WFDC1: variants seen among roughly 807,000 people sequenced by gnomAD.
WFDC1 encodes the protein WAP four-disulfide core domain protein 1.
WFDC1 carries 39 observed loss-of-function variants against 32.9 expected under a neutral mutation model. That is an observed-to-expected ratio of 1.19 (90% confidence interval 0.92 to 1.55). The LOEUF (loss-of-function observed/expected upper bound fraction) is 1.55, where lower values mean the gene tolerates loss of function less well. Ranked by LOEUF, WFDC1 falls within the 40% of genes most tolerant of loss-of-function variation. The pLI is 0.00. For missense variants in WFDC1, 386 were observed against 309.5 expected (o/e 1.25, Z -1.85); for synonymous variants, 184 against 137.4 (o/e 1.34, Z -2.37).
Position 84,294,961 on chromosome 16 carries a change from C to A in WFDC1, c.-11C>A. On this transcript the variant is annotated 5_prime_UTR_variant, in exon 1 of 7. Coordinates refer to ENST00000219454, the MANE Select transcript of WFDC1 (RefSeq NM_021197.4). ...CTGTGTGCGTCTGGAAGGTCGCTGCCCAGGGAGGAAATGCCTTTAACCGGC... is the reference window on the plus strand; with the variant it reads ...CTGTGTGCGTCTGGAAGGTCGCTGCACAGGGAGGAAATGCCTTTAACCGGC... 6.2e-7 allele frequency: 1 copy of A among 1,609,566 alleles called. No homozygotes were observed. Among genetic ancestry groups the A allele is most frequent in the East Asian group, 2.2e-5 (1 of 44,848 alleles).
At chr16:84,324,358 G>C in intron 4 of WFDC1, 61 bp from the exon 5 acceptor site, 2 of 1,477,332 alleles carry the variant, frequency 1.4e-6, no homozygotes, top group Non-Finnish European at 1.9e-6. Context: ...GTGTTATTAT[G>C]ACAACAGTTT....
chr16:84,322,392 C>G (rs1009586838), intron 4 of WFDC1, among the ~76,000 whole-genome samples: 2 of 152,126 alleles, frequency 1.3e-5, no homozygotes, highest in Admixed American at 6.6e-5. Context: ...GCCCCCTTGT[C>G]CCAGCCTTAC....
chr16:84,308,836 A>T (rs1379732955), intron 1 of WFDC1, among the ~76,000 whole-genome samples: 1 of 113,812 alleles, frequency 8.8e-6, no homozygotes, highest in Non-Finnish European at 2.0e-5. Context: ...TGTAGATGCC[A>T]GCCTGGGTGT....
In WFDC1 at chr16:84,319,316, C is replaced by G. The variant is rs536093409; in HGVS notation, c.422-115C>G. 4,358 of 1,457,914 alleles carry G rather than the reference C, an allele frequency of 3.0e-3. 10 individuals are homozygous for G. The highest frequency in any genetic ancestry group is 4.9e-3 in the Middle Eastern group (27 of 5,560). The allele number at this position is 1,457,914 out of a possible 1,614,324, so 90.3% of individuals were successfully genotyped here. A position where few individuals can be genotyped will look rare whatever the true frequency, so the allele number is the denominator to read the frequency against. ...CTGGGGTACAGAGGCGAGGCCGCCTCTCTGGGTGAGGTGCGTTCCCTGCAC... is the reference window on the plus strand; with the variant it reads ...CTGGGGTACAGAGGCGAGGCCGCCTGTCTGGGTGAGGTGCGTTCCCTGCAC... On this transcript the variant is annotated intron_variant, in intron 3 of 6. Transcript: ENST00000219454.
chr16:84,326,943 C>A lies in WFDC1; in HGVS notation c.*3C>A, dbSNP rs766443402. ...GACAACAGAAGCACTTTCAGTAAAG[C>A]AACGGCAAGCAGGTGAGTGGGCAGA... On this transcript the variant is annotated 3_prime_UTR_variant, in exon 6 of 7. Coordinates refer to ENST00000219454, the MANE Select transcript of WFDC1 (RefSeq NM_021197.4). 7.7e-5 allele frequency: 125 copies of A among 1,614,042 alleles called. No individual in the cohort carries two copies. Among genetic ancestry groups the A allele is most frequent in the South Asian group, 5.1e-4 (46 of 91,074 alleles).
chr16:84,324,494 G>C (rs1034344346), intron 5 of WFDC1, 34 bp downstream of exon 5: 4 of 1,596,222 alleles, frequency 2.5e-6, no homozygotes, highest in African/African-American at 2.7e-5. Context: ...TTTCCAGAGG[G>C]CACAAAAAAA....
chr16:84,311,384 A>ATTTTTTTTTTTTTTTTTTTTT (rs747950638), intron 1 of WFDC1, among the ~76,000 whole-genome samples: 1 of 118,346 alleles, frequency 8.4e-6, no homozygotes, highest in East Asian at 2.9e-4. Context: ...CGCCCGGCTA[A>ATTTTTTTTTTTTTTTTTTTTT]TTTTTTTTCT....
chr16:84,325,276 C>T (rs2151380653), intron 5 of WFDC1, among the ~76,000 whole-genome samples: 1 of 150,940 alleles, frequency 6.6e-6, no homozygotes, highest in South Asian at 2.1e-4. Context: ...AATCTTGGCT[C>T]ACTGCAAACT....
chr16:84,315,945 A>G (rs1230421111), intron 2 of WFDC1: 1 of 152,262 alleles, frequency 6.6e-6, no homozygotes, highest in Admixed American at 6.5e-5. Context: ...CCCCAGGGCC[A>G]CCAGGCCTTT....
chr16:84,323,979 G>A (rs938528852), intron 4 of WFDC1, among the ~76,000 whole-genome samples: 7 of 152,218 alleles, frequency 4.6e-5, no homozygotes, highest in Non-Finnish European at 8.8e-5. Flanking sequence ...AATTGACTGG[G>A]TGTGGTGGCG....
chr16:84,311,738 T>A (rs1454865324), intron 1 of WFDC1, among the ~76,000 whole-genome samples: 2 of 144,084 alleles, frequency 1.4e-5, no homozygotes, highest in African/African-American at 5.1e-5. Context: ...GGTTTCGCTA[T>A]GTTGGCCAGC....
intron 1 of WFDC1, among the ~76,000 whole-genome samples, chr16:84,300,212 C>A (rs1382698616): frequency 6.6e-6 from 1 of 152,246 alleles, no homozygotes; most frequent in Non-Finnish European, 1.5e-5. Context: ...GCCTGCTCAG[C>A]CCACACACAG....
intron 1 of WFDC1, among the ~76,000 whole-genome samples, chr16:84,310,388 A>G (rs1353978804): frequency 1.3e-5 from 2 of 152,158 alleles, no homozygotes; most frequent in African/African-American, 4.8e-5. Flanking sequence ...CACTGTCATC[A>G]AAGCAGCTTC....
intron 1 of WFDC1, among the ~76,000 whole-genome samples, chr16:84,305,239 G>A (rs988032269): frequency 2.0e-5 from 3 of 152,236 alleles, no homozygotes; most frequent in African/African-American, 7.2e-5. Context: ...CACAGCCCAG[G>A]CTCTAAGCCT....
At chr16:84,320,625 T>C (rs1366604851) in intron 4 of WFDC1, among the ~76,000 whole-genome samples, 2 of 152,320 alleles carry the variant, frequency 1.3e-5, no homozygotes, top group East Asian at 3.9e-4. Context: ...CAATGTGCTT[T>C]TTGGCATGGA....
chr16:84,324,436 C>T lies in WFDC1; in HGVS notation c.580C>T (p.His194Tyr). The stretch of plus-strand genomic sequence containing the variant: ...TTTTCCAGATGGGCGAATCCTACGA[C>T]ACAAACTTTACAAAGAATATCCAGG... Reference protein sequence around the residue: ...RRQADGRILRHKLYKEYPEGD... With the variant: ...RRQADGRILRYKLYKEYPEGD... Residue 194 changes from histidine (H) to tyrosine (Y), a missense_variant, in exon 5 of 7, where the codon CAC becomes TAC. Physicochemically the swap from His to Tyr is moderately conservative, Grantham distance 83 (BLOSUM62 2). Transcript: ENST00000219454. 1 of 1,613,764 alleles carries T rather than the reference C, an allele frequency of 6.2e-7. No individual in the cohort carries two copies. Among genetic ancestry groups the T allele is most frequent in the Non-Finnish European group, 8.5e-7 (1 of 1,179,904 alleles).
chr16:84,301,057 G>A (rs1906903453), intron 1 of WFDC1, among the ~76,000 whole-genome samples: 1 of 152,112 alleles, frequency 6.6e-6, no homozygotes, highest in Admixed American at 6.6e-5. Flanking sequence ...GGTTGCAGAG[G>A]TCAGAGTGAT....
intron 1 of WFDC1, among the ~76,000 whole-genome samples, chr16:84,310,368 A>G (rs1907538907): frequency 6.6e-6 from 1 of 152,102 alleles, no homozygotes; most frequent in African/African-American, 2.4e-5. Context: ...CCTGGAGGTG[A>G]CGGCGCCCAC....
intron 2 of WFDC1, among the ~76,000 whole-genome samples, chr16:84,315,689 A>G (rs1456283223): frequency 6.6e-6 from 1 of 152,136 alleles, no homozygotes; most frequent in Non-Finnish European, 1.5e-5. Flanking sequence ...GCCAGTAGCA[A>G]CCTCTACCCC....
Sources: allele counts gnomAD v4.1 joint callset (sites outside exome capture counted in the v4.1 genomes callset), GRCh38; gene constraint gnomAD v4.1.1; transcripts MANE v1.5; gene names NCBI Gene and HGNC (gene_info 2026-07-23, HGNC 2026-07-21).